Variants in RELN observed in about 807,000 individuals in gnomAD.
The protein encoded by RELN is reelin.
RELN carries 108 observed loss-of-function variants against 427.6 expected under a neutral mutation model. The observed-to-expected ratio is 0.25, with a 90% CI of 0.22 to 0.30. RELN has a LOEUF of 0.30. Ranked by LOEUF, RELN falls within the 10% of genes least tolerant of loss-of-function variation. The pLI, the probability that RELN is intolerant of heterozygous loss-of-function variation, is 1.00. For missense variants in RELN, 3,715 were observed against 4,302.8 expected (o/e 0.86, Z 3.82); for synonymous variants, 1,524 against 1,513.4 (o/e 1.01, Z -0.16).
chr7:103,882,153 A>T (rs1794621979), intron 2 of RELN, among the ~76,000 whole-genome samples: 1 of 152,250 alleles, frequency 6.6e-6, no homozygotes. Flanking sequence ...AATAATGAAA[A>T]TAACTAATGC....
At chr7:103,522,937 T>C (rs1216983459) in intron 47 of RELN, among the ~76,000 whole-genome samples, 1 of 151,772 alleles carries the variant, frequency 6.6e-6, no homozygotes, top group Non-Finnish European at 1.5e-5. Flanking sequence ...ATACCTCTGG[T>C]AAATTGACCA....
chr7:103,663,704 T>A (rs1352769381), intron 11 of RELN, among the ~76,000 whole-genome samples: 1 of 152,176 alleles, frequency 6.6e-6, no homozygotes, highest in African/African-American at 2.4e-5. Context: ...CTCTGATGGT[T>A]CAGCCTCCTC....
intron 61 of RELN, 138 bp from the exon 62 acceptor site, chr7:103,483,988 T>C: frequency 1.2e-6 from 1 of 836,870 alleles, no homozygotes; most frequent in African/African-American, 1.7e-5. Flanking sequence ...CAAGCGATTT[T>C]CCTGCCTCGG....
At chr7:103,859,937 C>T (rs1794033989) in intron 2 of RELN, among the ~76,000 whole-genome samples, 1 of 152,144 alleles carries the variant, frequency 6.6e-6, no homozygotes, top group Admixed American at 6.6e-5. Context: ...AACATGTTCA[C>T]AATGACAACA....
chr7:103,536,829 T>G (rs1830062575), intron 45 of RELN, among the ~76,000 whole-genome samples: 1 of 152,204 alleles, frequency 6.6e-6, no homozygotes, highest in Non-Finnish European at 1.5e-5. Flanking sequence ...TGCCCCAAAT[T>G]TCCTGGTTTT....
At chr7:103,951,614 G>T (rs532426941) in intron 1 of RELN, among the ~76,000 whole-genome samples, 322 of 151,750 alleles carry the variant, frequency 2.1e-3, no homozygotes, top group Non-Finnish European at 3.8e-3. Flanking sequence ...AACACCCATT[G>T]CCATGAAAAC....
intron 20 of RELN, among the ~76,000 whole-genome samples, chr7:103,628,944 ACACT>A (rs1832389857): frequency 6.6e-6 from 1 of 152,116 alleles, no homozygotes; most frequent in South Asian, 2.1e-4. Flanking sequence ...GGTTTCCTTG[ACACT>A]CACTACTTCA....
At position 103,627,327 on chromosome 7, in the gene RELN, T is replaced by C. The variant is rs578063805; in HGVS notation, c.2702+2613A>G. Among the ~76,000 whole-genome samples the C allele has an allele frequency of 2.0e-5, 3 of 152,268 alleles. No individual in the cohort carries two copies. In the South Asian group the frequency reaches 6.2e-4, roughly 32 times the overall value. On this transcript the variant is annotated intron_variant, in intron 20 of 64. Coordinates refer to ENST00000428762, the MANE Select transcript of RELN (RefSeq NM_005045.4). ...TTGTTTTAGGACTATGAGATTATAA[T>C]AAATAGTTGGTCAATATCATCACTT...
intron 2 of RELN, among the ~76,000 whole-genome samples, chr7:103,875,719 G>C (rs1436319231): frequency 6.6e-6 from 1 of 151,994 alleles, no homozygotes; most frequent in Non-Finnish European, 1.5e-5. Context: ...GCATAGTCTG[G>C]AAATGTCAAA....
chr7:103,760,295 A>G (rs1791266713), intron 4 of RELN, among the ~76,000 whole-genome samples: 1 of 152,018 alleles, frequency 6.6e-6, no homozygotes, highest in African/African-American at 2.4e-5. Context: ...TTCTGTGCAT[A>G]TGCTCTTTCA....
intron 25 of RELN, among the ~76,000 whole-genome samples, chr7:103,595,893 T>C (rs1035010258): frequency 6.6e-6 from 1 of 152,114 alleles, no homozygotes; most frequent in Non-Finnish European, 1.5e-5. Context: ...ACACGAGTCA[T>C]CTCCCCAAAC....
intron 6 of RELN, among the ~76,000 whole-genome samples, chr7:103,736,916 G>A (rs1790508055): frequency 6.6e-6 from 1 of 152,232 alleles, no homozygotes; most frequent in Admixed American, 6.5e-5. Context: ...AAAAAGAGGG[G>A]AATGAGGGGG....
intron 8 of RELN, 106 bp from the exon 9 acceptor site, chr7:103,701,112 T>A: frequency 1.4e-6 from 1 of 725,282 alleles, no homozygotes; most frequent in Non-Finnish European, 2.5e-6. Flanking sequence ...TAGATATTTG[T>A]CTGGTAACTT....
chr7:103,713,533 A>G (rs748660820), intron 8 of RELN, among the ~76,000 whole-genome samples: 3 of 152,174 alleles, frequency 2.0e-5, no homozygotes, highest in Non-Finnish European at 4.4e-5. Flanking sequence ...GGGATATTAC[A>G]TGTTACTCTA....
At chr7:103,931,417 A>G (rs1795862615) in intron 1 of RELN, among the ~76,000 whole-genome samples, 1 of 152,132 alleles carries the variant, frequency 6.6e-6, no homozygotes. Flanking sequence ...AGCTCTGTGA[A>G]GCTTACCACA....
chr7:103,944,171 A>G (rs1426751315), intron 1 of RELN, among the ~76,000 whole-genome samples: 3 of 152,220 alleles, frequency 2.0e-5, no homozygotes, highest in Non-Finnish European at 4.4e-5. Context: ...TAGTAGTGGT[A>G]GCAGTAATTC....
chr7:103,534,644 T>C (rs79410722), intron 46 of RELN, among the ~76,000 whole-genome samples: 6,787 of 152,044 alleles, frequency 0.045, 241 homozygotes, highest in East Asian at 0.19. Context: ...GGTACCACCA[T>C]GCCTGGCTAA....
At chr7:103,511,603 T>C (rs1381329682) in intron 50 of RELN, among the ~76,000 whole-genome samples, 1 of 152,086 alleles carries the variant, frequency 6.6e-6, no homozygotes. Context: ...CTTGGCTGGG[T>C]ATGGTGGCTC....
chr7:103,926,094 CCCG>C (rs1407791498), intron 1 of RELN, among the ~76,000 whole-genome samples: 1 of 119,912 alleles, frequency 8.3e-6, no homozygotes, highest in Non-Finnish European at 1.8e-5. Context: ...TGACCCCCAC[CCCG>C]CCTTTTTTTT....
Sources: gnomAD v4.1 joint callset for allele counts (sites outside exome capture counted in the v4.1 genomes callset) on GRCh38, gnomAD v4.1.1 for gene constraint, MANE v1.5 for transcripts, NCBI Gene and HGNC (gene_info 2026-07-23, HGNC 2026-07-21) for gene names.